RBFOX1: variants seen among roughly 807,000 people sequenced by gnomAD.
RBFOX1 encodes RNA binding protein fox-1 homolog 1.
In RBFOX1, 8 loss-of-function variants were observed where a neutral mutation model predicts 57.7. The observed-to-expected ratio is 0.14, with a 90% confidence interval of 0.08 to 0.25. The LOEUF is 0.25. RBFOX1 is among the 10% of genes least tolerant of loss of function. RBFOX1 has a pLI of 1.00. For missense variants in RBFOX1, 611 were observed against 548.5 expected (o/e 1.11, Z -1.14); for synonymous variants, 326 against 222.4 (o/e 1.47, Z -4.15).
intron 1 of RBFOX1, among the ~76,000 whole-genome samples, chr16:6,213,750 C>T (rs2097313527): frequency 6.6e-6 from 1 of 152,216 alleles, no homozygotes; most frequent in African/African-American, 2.4e-5. Flanking sequence ...CTCTCCATCC[C>T]TTTGTCTACT....
intron 4 of RBFOX1, among the ~76,000 whole-genome samples, chr16:7,448,925 C>CTTTTTT (rs1491185704): frequency 1.3e-3 from 37 of 28,712 alleles, no homozygotes; most frequent in African/African-American, 2.6e-3. Context: ...TTTCTTTCCC[C>CTTTTTT]TGTTTTTTTT....
At chr16:5,725,142 A>G (rs986124973) in intron 3 of RBFOX1, among the ~76,000 whole-genome samples, 9 of 152,300 alleles carry the variant, frequency 5.9e-5, no homozygotes, top group Middle Eastern at 3.4e-3. Flanking sequence ...AAGAGGCCTG[A>G]TACCTGTTGC....
At chr16:7,268,254 G>T (rs918905071) in intron 4 of RBFOX1, among the ~76,000 whole-genome samples, 4 of 152,202 alleles carry the variant, frequency 2.6e-5, no homozygotes, top group Admixed American at 1.3e-4. Flanking sequence ...GTTAAGCTGT[G>T]TAGGACTGTG....
Position 7,653,891 on chromosome 16 carries a change from C to G in RBFOX1, c.834C>G (p.Thr278=), listed in dbSNP as rs750881123. 1 of 1,600,602 alleles carries G rather than the reference C, an allele frequency of 6.2e-7. No individual in the cohort carries two copies. The highest frequency in any genetic ancestry group is 8.5e-7 in the Non-Finnish European group (1 of 1,178,576). The change falls in exon 12 of 16, where the codon ACC becomes ACG. Residue 278 remains threonine, a synonymous_variant. Coordinates refer to ENST00000550418, the MANE Select transcript of RBFOX1 (RefSeq NM_018723.4). ...CGCACCTGCGAGGCCGCGGTCGCAC[C>G]GTGTACAACACCTTCAGGGCCGCGG... ...RGAHLRGRGR[T]VYNTFRAAAP...
intron 3 of RBFOX1, among the ~76,000 whole-genome samples, chr16:5,775,648 C>T (rs1402549269): frequency 6.6e-6 from 1 of 152,194 alleles, no homozygotes; most frequent in Non-Finnish European, 1.5e-5. Context: ...AACATGGCCT[C>T]AGTGCCACTT....
chr16:7,528,221 G>C (rs993787169), intron 5 of RBFOX1, among the ~76,000 whole-genome samples: 8 of 152,192 alleles, frequency 5.3e-5, no homozygotes, highest in Non-Finnish European at 8.8e-5. Flanking sequence ...GCAAATATTA[G>C]AGCCATCTGA....
intron 2 of RBFOX1, among the ~76,000 whole-genome samples, chr16:6,328,325 C>G (rs576513837): frequency 6.6e-6 from 1 of 152,094 alleles, no homozygotes; most frequent in South Asian, 2.1e-4. Flanking sequence ...AAACTGGGTT[C>G]AGTGTATACT....
At chr16:7,080,078 CATATGTAT>C (rs1182888720) in intron 4 of RBFOX1, among the ~76,000 whole-genome samples, 43 of 119,700 alleles carry the variant, frequency 3.6e-4, no homozygotes, top group South Asian at 3.1e-3. Context: ...TACATATATA[CATATGTAT>C]ATATGTATAT....
intron 4 of RBFOX1, among the ~76,000 whole-genome samples, chr16:7,329,838 G>C (rs8052016): frequency 0.036 from 5,444 of 152,126 alleles, 218 homozygotes; most frequent in African/African-American, 0.096. Context: ...CCGGCACAAG[G>C]TATAACTATA....
At chr16:6,970,765 C>T (rs2085358377) in intron 3 of RBFOX1, among the ~76,000 whole-genome samples, 1 of 152,178 alleles carries the variant, frequency 6.6e-6, no homozygotes, top group African/African-American at 2.4e-5. Context: ...CAGACCATAG[C>T]CCCCTTTAAC....
At chr16:5,458,764 C>G (rs564667630) in intron 1 of RBFOX1, among the ~76,000 whole-genome samples, 1 of 152,244 alleles carries the variant, frequency 6.6e-6, no homozygotes, top group African/African-American at 2.4e-5. Flanking sequence ...CTATTCATCT[C>G]TGCCTTCATG....
At chr16:5,771,403 T>C (rs1169675510) in intron 3 of RBFOX1, among the ~76,000 whole-genome samples, 2 of 152,030 alleles carry the variant, frequency 1.3e-5, no homozygotes, top group Non-Finnish European at 2.9e-5. Flanking sequence ...TCATTGTGTT[T>C]GTTTTGTTTT....
At chr16:7,400,345 C>T (rs892430448) in intron 4 of RBFOX1, among the ~76,000 whole-genome samples, 2 of 152,180 alleles carry the variant, frequency 1.3e-5, no homozygotes, top group Non-Finnish European at 2.9e-5. Context: ...TCTCCTCCCA[C>T]TGAACCCATC....
chr16:5,898,836 C>T (rs2058231793), intron 4 of RBFOX1, among the ~76,000 whole-genome samples: 1 of 150,384 alleles, frequency 6.6e-6, no homozygotes. Context: ...GAGAAGGGAA[C>T]ATTGCTTGAG....
At chr16:6,896,761 C>T (rs1326793598) in intron 3 of RBFOX1, among the ~76,000 whole-genome samples, 5 of 152,014 alleles carry the variant, frequency 3.3e-5, no homozygotes, top group East Asian at 1.9e-4. Context: ...CTCCCAAGAG[C>T]GTGAAGACCC....
chr16:6,729,370 C>G (rs758612689), intron 3 of RBFOX1, among the ~76,000 whole-genome samples: 19 of 152,168 alleles, frequency 1.2e-4, no homozygotes, highest in Non-Finnish European at 2.4e-4. Context: ...CATTCACTCA[C>G]TCATTAATAA....
chr16:5,441,792 C>T (rs2068092791), intron 1 of RBFOX1, among the ~76,000 whole-genome samples: 1 of 152,048 alleles, frequency 6.6e-6, no homozygotes, highest in Non-Finnish European at 1.5e-5. Context: ...GAATGAGTGC[C>T]CAGTGAAGGG....
chr16:7,287,065 G>C (rs921945860), intron 4 of RBFOX1, among the ~76,000 whole-genome samples: 2 of 152,122 alleles, frequency 1.3e-5, no homozygotes, highest in South Asian at 4.1e-4. Context: ...GCACAAAAGA[G>C]GTTAACTTTG....
At chr16:6,806,784 T>A (rs1873870397) in intron 3 of RBFOX1, among the ~76,000 whole-genome samples, 1 of 129,298 alleles carries the variant, frequency 7.7e-6, no homozygotes, top group Admixed American at 8.0e-5. Context: ...TTTTTCTCTT[T>A]CCTTTTCATT....
Sources: allele counts gnomAD v4.1 joint callset (sites outside exome capture counted in the v4.1 genomes callset), GRCh38; gene constraint gnomAD v4.1.1; transcripts MANE v1.5; gene names NCBI Gene and HGNC (gene_info 2026-07-23, HGNC 2026-07-21).